The following TSHR variants were observed in gnomAD, a reference collection of about 807,000 sequenced individuals.
The protein encoded by TSHR is thyroid stimulating hormone receptor.
Under a neutral mutation model 64.1 loss-of-function variants are expected in TSHR, and 51 were observed. The ratio of observed to expected loss-of-function variants is 0.80; its 90% CI spans 0.64 to 1.01. The LOEUF (loss-of-function observed/expected upper bound fraction) is 1.01, where lower values mean the gene tolerates loss of function less well. Ranked by LOEUF, TSHR falls within the 50% of genes least tolerant of loss-of-function variation. The pLI, the probability that TSHR is intolerant of heterozygous loss-of-function variation, is 0.00. For synonymous variants in TSHR, 361 were observed against 361.9 expected, an observed-to-expected ratio of 1.00 and a Z score of 0.03; for missense variants, 877 against 942.8, an observed-to-expected ratio of 0.93 and a Z score of 0.91.
chr14:81,029,257 T>A (rs10130066), intron 1 of TSHR, among the ~76,000 whole-genome samples: 1 of 151,692 alleles, frequency 6.6e-6, no homozygotes, highest in East Asian at 1.9e-4. Flanking sequence ...ATCTTCAGGG[T>A]TTTTTTTAAT....
intron 1 of TSHR, among the ~76,000 whole-genome samples, chr14:81,056,931 G>A (rs1475212756): frequency 6.6e-6 from 1 of 152,092 alleles, no homozygotes; most frequent in Non-Finnish European, 1.5e-5. Flanking sequence ...CAAAACACAA[G>A]AGAATGACAA....
chr14:81,029,569 T>G (rs1884243004), intron 1 of TSHR, among the ~76,000 whole-genome samples: 1 of 152,116 alleles, frequency 6.6e-6, no homozygotes, highest in Non-Finnish European at 1.5e-5. Context: ...TTTGAAAATG[T>G]GTTAATGAGA....
Position 81,144,312 on chromosome 14 carries a change from C to A in TSHR, c.2254C>A (p.Gln752Lys), listed in dbSNP as rs775809017. ...AAACTCCCATCTAACCCCAAAGAAG[C>A]AAGGCCAAATCTCAGAAGAGTATAT... ...IENSHLTPKK[Q>K]GQISEEYMQT... is the part of the protein sequence containing the mutation. Residue 752 changes from glutamine to lysine, a missense_variant, in exon 10 of 10, where the codon CAA (glutamine) becomes AAA (lysine). Physicochemically the swap from Gln to Lys is moderately conservative, Grantham distance 53. Coordinates refer to ENST00000298171, the MANE Select transcript of TSHR (RefSeq NM_000369.5). 3.1e-6 allele frequency: 5 copies of A among 1,614,172 alleles called. No individual in the cohort carries two copies. The highest frequency in any genetic ancestry group is 3.3e-5 in the Admixed American group (2 of 60,030).
At chr14:81,065,653 G>A (rs1052547968) in intron 2 of TSHR, among the ~76,000 whole-genome samples, 6 of 152,264 alleles carry the variant, frequency 3.9e-5, no homozygotes, top group African/African-American at 1.4e-4. Context: ...CATTTACCTT[G>A]TACATTAATC....
At chr14:80,967,057 C>T (rs1887350750) in intron 1 of TSHR, among the ~76,000 whole-genome samples, 1 of 151,796 alleles carries the variant, frequency 6.6e-6, no homozygotes, top group African/African-American at 2.4e-5. Flanking sequence ...GGGGGACACA[C>T]AAACATTCAG....
At chr14:81,051,049 G>A (rs1333751283) in intron 1 of TSHR, 4 of 154,860 alleles carry the variant, frequency 2.6e-5, no homozygotes, top group Non-Finnish European at 4.3e-5. Context: ...TTCAAAATTG[G>A]AGTCAATCTT....
chr14:81,127,017 C>T (rs1379581388), intron 8 of TSHR, among the ~76,000 whole-genome samples: 1 of 152,196 alleles, frequency 6.6e-6, no homozygotes, highest in Non-Finnish European at 1.5e-5. Context: ...GCCATGTATA[C>T]TATGTTCTGT....
Position 80,955,926 on chromosome 14 carries a change from G to A in TSHR, c.170+76G>A. The A allele has an allele frequency of 4.4e-6, 7 of 1,586,366 alleles. No homozygotes were observed. The South Asian group carries it at 6.6e-5, about 15-fold the overall frequency. ...CAGAGGTGGCCCGAAGTGCACAAAA[G>A]CAGCTCAATAACAGCCCGAAGTAGT... On this transcript the variant is annotated intron_variant, in intron 1 of 9. Transcript: ENST00000298171.
chr14:81,039,675 A>G (rs1275897503), intron 1 of TSHR, among the ~76,000 whole-genome samples: 1 of 152,034 alleles, frequency 6.6e-6, no homozygotes, highest in Non-Finnish European at 1.5e-5. Flanking sequence ...CTATGTGCCA[A>G]TAAAAAACTA....
chr14:80,983,638 A>G, intron 1 of TSHR: 2 of 874,094 alleles, frequency 2.3e-6, no homozygotes, highest in Non-Finnish European at 3.5e-6. Flanking sequence ...GAAGCAATGT[A>G]AAATGAGCCA....
chr14:81,114,530 C>G lies in TSHR; in HGVS notation c.692+6078C>G, dbSNP rs376870168. Among the ~76,000 whole-genome samples the G allele has an allele frequency of 5.9e-5, 9 of 152,160 alleles. No individual in the cohort carries two copies. The East Asian group carries it at 1.7e-3, about 29-fold the overall frequency. ...CCCGCACCTGGCTCGGAGGGTCCTA[C>G]GCCCACGGAGTCTCCCTGATTGCTA... is the stretch of plus-strand genomic sequence containing the variant. On this transcript the variant is annotated intron_variant, in intron 8 of 9. Transcript: ENST00000298171.
chr14:81,145,313 T>C lies in TSHR; in HGVS notation c.*960T>C, dbSNP rs142517342. 1,184 of 233,160 alleles carry C rather than the reference T, an allele frequency of 5.1e-3. 9 individuals carry two copies. Among genetic ancestry groups the C allele is most frequent in the African/African-American group, 0.024 (1,111 of 45,444 alleles). The allele number at this position is 233,160 out of a possible 1,614,324, so 14.4% of individuals were successfully genotyped here. On this transcript the variant is annotated 3_prime_UTR_variant, in exon 10 of 10. Transcript: ENST00000298171. The stretch of plus-strand genomic sequence containing the variant: ...CTAAGATAAAGAGAAAGAAGAGCAC[T>C]AAGTAAGTAGAATCTGTTTTTCCTA...
chr14:81,110,478 G>A (rs1050844879), intron 8 of TSHR, among the ~76,000 whole-genome samples: 1 of 152,206 alleles, frequency 6.6e-6, no homozygotes, highest in Non-Finnish European at 1.5e-5. Context: ...AGCCAAACTT[G>A]CTGACACTTT....
chr14:81,075,444 A>G (rs1887424948), intron 3 of TSHR, among the ~76,000 whole-genome samples: 2 of 152,238 alleles, frequency 1.3e-5, no homozygotes, highest in Admixed American at 1.3e-4. Context: ...CTATTCATTC[A>G]ATAAATACAG....
At chr14:81,011,349 A>T (rs1889895807) in intron 1 of TSHR, among the ~76,000 whole-genome samples, 1 of 152,068 alleles carries the variant, frequency 6.6e-6, no homozygotes, top group Admixed American at 6.6e-5. Context: ...ATAATAATTT[A>T]TTCAGTTATT....
chr14:81,039,364 T>C (rs1884811070), intron 1 of TSHR, among the ~76,000 whole-genome samples: 2 of 151,928 alleles, frequency 1.3e-5, no homozygotes, highest in African/African-American at 4.8e-5. Flanking sequence ...CCAAATATGA[T>C]AATTCCACAG....
chr14:81,006,714 C>T (rs1021236313), intron 1 of TSHR, among the ~76,000 whole-genome samples: 1 of 151,926 alleles, frequency 6.6e-6, no homozygotes, highest in African/African-American at 2.4e-5. Context: ...GGGGTTTCAC[C>T]ATGTTGCCCA....
chr14:81,037,617 A>G (rs1343882009), intron 1 of TSHR, among the ~76,000 whole-genome samples: 1 of 152,126 alleles, frequency 6.6e-6, no homozygotes, highest in Non-Finnish European at 1.5e-5. Context: ...ACCCATAAGG[A>G]CACACGTAGA....
chr14:80,955,855 G>A lies in TSHR; in HGVS notation c.170+5G>A, dbSNP rs1163091846. The stretch of plus-strand genomic sequence containing the variant: ...ACCGCCCAGTACGCAGACTCTGTGA[G>A]TACCCGGGAGAGATCAGGGTAGGAC... On this transcript the variant is annotated splice_donor_5th_base_variant and intron_variant, in intron 1 of 9. Coordinates refer to ENST00000298171, the MANE Select transcript of TSHR (RefSeq NM_000369.5). 6.2e-7 allele frequency: 1 copy of A among 1,614,144 alleles called. No individual in the cohort carries two copies. Among genetic ancestry groups the A allele is most frequent in the African/African-American group, 1.3e-5 (1 of 75,060 alleles).
Sources: gnomAD v4.1 joint callset for allele counts (sites outside exome capture counted in the v4.1 genomes callset) on GRCh38, gnomAD v4.1.1 for gene constraint, MANE v1.5 for transcripts, NCBI Gene and HGNC (gene_info 2026-07-23, HGNC 2026-07-21) for gene names.